Variants in PEBP4 observed in about 807,000 individuals in gnomAD.
PEBP4 encodes phosphatidylethanolamine binding protein 4.
PEBP4 carries 22 observed loss-of-function variants against 23.9 expected under a neutral mutation model. The ratio of observed to expected loss-of-function variants is 0.92; its 90% CI spans 0.66 to 1.31. The LOEUF (loss-of-function observed/expected upper bound fraction) is 1.31. PEBP4 is among the 40% of genes most tolerant of loss of function. The pLI is 0.00. For synonymous variants in PEBP4, 112 were observed against 99.3 expected, an observed-to-expected ratio of 1.13 and a Z score of -0.76; for missense variants, 324 against 281.7, an observed-to-expected ratio of 1.15 and a Z score of -1.07.
chr8:22,810,445 C>T (rs904264703), intron 4 of PEBP4, among the ~76,000 whole-genome samples: 9 of 152,182 alleles, frequency 5.9e-5, no homozygotes, highest in African/African-American at 2.2e-4. Flanking sequence ...AACCCCCTCG[C>T]TTCCTAAGAG....
chr8:22,793,764 T>C (rs890215935), intron 4 of PEBP4, among the ~76,000 whole-genome samples: 6 of 152,208 alleles, frequency 3.9e-5, no homozygotes, highest in Non-Finnish European at 8.8e-5. Flanking sequence ...CCCTGCCTTA[T>C]TTTGATAGGT....
chr8:22,876,207 G>A (rs1005900033), intron 3 of PEBP4, among the ~76,000 whole-genome samples: 1 of 152,112 alleles, frequency 6.6e-6, no homozygotes, highest in Admixed American at 6.5e-5. Context: ...CACTGGGCCT[G>A]GCCGACAGAT....
At chr8:22,732,643 T>A (rs1216826224) in intron 4 of PEBP4, among the ~76,000 whole-genome samples, 1 of 21,612 alleles carries the variant, frequency 4.6e-5, no homozygotes, top group African/African-American at 6.8e-5. Flanking sequence ...TTTGTGTGTG[T>A]GTGTGTGTGT....
chr8:22,736,041 G>A (rs771793536), intron 4 of PEBP4, among the ~76,000 whole-genome samples: 2 of 152,036 alleles, frequency 1.3e-5, no homozygotes, highest in African/African-American at 2.4e-5. Flanking sequence ...TGGCAGCTTC[G>A]AGCCCCTGGT....
At chr8:22,892,544 T>TCC (rs1808515407) in intron 3 of PEBP4, among the ~76,000 whole-genome samples, 1 of 152,130 alleles carries the variant, frequency 6.6e-6, no homozygotes, top group African/African-American at 2.4e-5. Context: ...AAAGCTAGAG[T>TCC]ATGGTTTCCA....
At chr8:22,763,116 G>A (rs1171546301) in intron 4 of PEBP4, among the ~76,000 whole-genome samples, 2 of 151,772 alleles carry the variant, frequency 1.3e-5, no homozygotes, top group Non-Finnish European at 1.5e-5. Flanking sequence ...GCGATTCTCC[G>A]ACCTCAGCCT....
chr8:22,916,811 T>C (rs1003797255), intron 3 of PEBP4, among the ~76,000 whole-genome samples: 10 of 152,212 alleles, frequency 6.6e-5, no homozygotes, highest in African/African-American at 2.2e-4. Context: ...ACTTACAAAG[T>C]GCTTGAAGCT....
At chr8:22,843,935 C>T (rs141133611) in intron 3 of PEBP4, among the ~76,000 whole-genome samples, 153 of 152,282 alleles carry the variant, frequency 1.0e-3, no homozygotes, top group African/African-American at 3.4e-3. Flanking sequence ...GCTCTTGGGG[C>T]CTTGGCTTTT....
chr8:22,758,427 T>C (rs1800134753), intron 4 of PEBP4, among the ~76,000 whole-genome samples: 1 of 152,220 alleles, frequency 6.6e-6, no homozygotes, highest in African/African-American at 2.4e-5. Context: ...TTATAACCCT[T>C]TGAAAATGCA....
intron 5 of PEBP4, among the ~76,000 whole-genome samples, chr8:22,725,937 A>G (rs1269533374): frequency 2.0e-5 from 3 of 152,018 alleles, no homozygotes; most frequent in Non-Finnish European, 2.9e-5. Flanking sequence ...CCAGCATGCC[A>G]ACAACCGGGG....
intron 3 of PEBP4, among the ~76,000 whole-genome samples, chr8:22,876,267 C>T (rs1008321893): frequency 3.3e-5 from 5 of 152,188 alleles, no homozygotes; most frequent in Non-Finnish European, 5.9e-5. Context: ...GCTGCTAACA[C>T]GTACCATGCG....
chr8:22,926,324 CA>C (rs1324925184), intron 2 of PEBP4, among the ~76,000 whole-genome samples: 2 of 151,966 alleles, frequency 1.3e-5, no homozygotes, highest in South Asian at 4.2e-4. Flanking sequence ...CTGACACGAA[CA>C]AAGTTTGTTA....
At position 22,775,478 on chromosome 8, in the gene PEBP4, GA is replaced by G. The variant is rs1299693522; in HGVS notation, c.357+42158del. 2.0e-5 allele frequency among the ~76,000 whole-genome samples: 3 copies of G among 152,204 alleles called. No homozygotes were observed. The highest frequency in any genetic ancestry group is 1.9e-4 in the East Asian group (1 of 5,184). On this transcript the variant is annotated intron_variant, in intron 4 of 6. Coordinates refer to ENST00000256404, the MANE Select transcript of PEBP4 (RefSeq NM_144962.3). The surrounding 1 kb of genome is among the most constrained non-coding windows in gnomAD (Gnocchi z 4.8). ...GGCCCGTGGGTGGTGTTCACGTATG[GA>G]GGGGGGGGATTTCTTTTTAAGAGAC...
At chr8:22,920,141 C>T (rs200636831) in intron 3 of PEBP4, 43 bp downstream of exon 3, 2 of 1,587,070 alleles carry the variant, frequency 1.3e-6, no homozygotes, top group Non-Finnish European at 1.7e-6. Flanking sequence ...AACATCAAGA[C>T]CCCCAACTGT....
intron 4 of PEBP4, among the ~76,000 whole-genome samples, chr8:22,749,951 C>A (rs1411139941): frequency 1.3e-5 from 2 of 150,784 alleles, no homozygotes; most frequent in Non-Finnish European, 3.0e-5. Flanking sequence ...GGATTACAGG[C>A]ATGTGCCACC....
chr8:22,828,527 C>T (rs191473811), intron 3 of PEBP4, among the ~76,000 whole-genome samples: 213 of 152,294 alleles, frequency 1.4e-3, no homozygotes, highest in African/African-American at 4.9e-3. Flanking sequence ...CCTGGCTTTC[C>T]CCTGAAGATC....
intron 4 of PEBP4, among the ~76,000 whole-genome samples, chr8:22,788,465 C>T (rs1434540203): frequency 2.0e-5 from 3 of 152,096 alleles, no homozygotes; most frequent in African/African-American, 7.2e-5. Flanking sequence ...GCAGTGGGGA[C>T]CGAGGTTGGC....
At chr8:22,741,966 C>G (rs1038359233) in intron 4 of PEBP4, among the ~76,000 whole-genome samples, 85 of 152,292 alleles carry the variant, frequency 5.6e-4, no homozygotes, top group African/African-American at 1.9e-3. Context: ...CAAAGAGGAT[C>G]AAGGGACAGC....
intron 3 of PEBP4, among the ~76,000 whole-genome samples, chr8:22,859,516 A>G (rs1453892416): frequency 6.6e-6 from 1 of 152,152 alleles, no homozygotes; most frequent in Non-Finnish European, 1.5e-5. Flanking sequence ...CTCGGGACCT[A>G]TTTAGAAGAA....
Sources: gnomAD v4.1 joint callset for allele counts (sites outside exome capture counted in the v4.1 genomes callset) on GRCh38, gnomAD v4.1.1 for gene constraint, Gnocchi (gnomAD v3.1) non-coding constraint, MANE v1.5 for transcripts, NCBI Gene and HGNC (gene_info 2026-07-23, HGNC 2026-07-21) for gene names.